The following HTR7 variants were observed in gnomAD, a reference collection of about 807,000 sequenced individuals.
The protein encoded by HTR7 is 5-hydroxytryptamine receptor 7.
A neutral mutation model predicts 34.0 loss-of-function variants in HTR7; 16 were observed. That is an observed-to-expected ratio of 0.47 (90% CI 0.32 to 0.71). The LOEUF (loss-of-function observed/expected upper bound fraction) is 0.71, where lower values mean the gene tolerates loss of function less well. HTR7 is among the 30% of genes least tolerant of loss of function. HTR7 has a pLI of 0.04. For missense variants in HTR7, 504 were observed against 625.5 expected (o/e 0.81, Z 2.07); for synonymous variants, 265 against 260.2 (o/e 1.02, Z -0.18).
intron 1 of HTR7, among the ~76,000 whole-genome samples, chr10:90,833,964 A>G (rs1846215903): frequency 6.6e-6 from 1 of 152,240 alleles, no homozygotes; most frequent in Non-Finnish European, 1.5e-5. Flanking sequence ...ACATAATCCT[A>G]TTTTGAAAAA....
chr10:90,749,138 G>A lies in HTR7; in HGVS notation c.996C>T (p.Ile332=), dbSNP rs1363920602. 6 of 1,614,162 alleles carry A rather than the reference G, an allele frequency of 3.7e-6. No individual in the cohort carries two copies. Among genetic ancestry groups the A allele is most frequent in the Admixed American group, 1.7e-5 (1 of 60,022 alleles). ...EQKAATTLGI[I]VGAFTVCWLP... is the part of the protein sequence containing the mutation. The stretch of plus-strand genomic sequence containing the variant: ...GCCAGCACACGGTAAAGGCCCCGAC[G>A]ATGATCCCCAGGGTGGTGGCTGCTT... Residue 332 remains isoleucine, a synonymous_variant, in exon 2 of 4, where the codon ATC becomes ATT. Transcript: ENST00000336152. This position sits in a 1 kb window ranked among gnomAD's most constrained non-coding sequence, Gnocchi z 4.2.
At chr10:90,744,612 G>C (rs1004965790) in intron 2 of HTR7, among the ~76,000 whole-genome samples, 60 of 151,930 alleles carry the variant, frequency 3.9e-4, no homozygotes, top group Admixed American at 3.5e-3. Context: ...CCTGTATACT[G>C]TAAAATCCTT....
At chr10:90,842,397 C>T (rs1846342425) in intron 1 of HTR7, among the ~76,000 whole-genome samples, 1 of 152,134 alleles carries the variant, frequency 6.6e-6, no homozygotes, top group Non-Finnish European at 1.5e-5. Context: ...TTTGTTATAG[C>T]AGCATGAAGG....
intron 1 of HTR7, among the ~76,000 whole-genome samples, chr10:90,839,723 C>A (rs537783350): frequency 2.2e-4 from 33 of 152,098 alleles, no homozygotes; most frequent in African/African-American, 8.0e-4. Context: ...TGCAGGGGTC[C>A]TTAAGAAGTC....
intron 1 of HTR7, among the ~76,000 whole-genome samples, chr10:90,757,704 C>T (rs1173637979): frequency 6.6e-6 from 1 of 152,076 alleles, no homozygotes; most frequent in Non-Finnish European, 1.5e-5. Context: ...TTTAAATAAA[C>T]AACTCATATT....
At chr10:90,850,329 A>C (rs1347460791) in intron 1 of HTR7, among the ~76,000 whole-genome samples, 1 of 152,274 alleles carries the variant, frequency 6.6e-6, no homozygotes, top group Non-Finnish European at 1.5e-5. Context: ...GGCATCTGCC[A>C]GTGGCAGAGC....
At chr10:90,805,883 G>C (rs1845697429) in intron 1 of HTR7, among the ~76,000 whole-genome samples, 1 of 152,176 alleles carries the variant, frequency 6.6e-6, no homozygotes, top group Admixed American at 6.5e-5. Flanking sequence ...TAGCTCATGA[G>C]ACTTTAGGAA....
intron 1 of HTR7, among the ~76,000 whole-genome samples, chr10:90,845,951 C>T (rs566454693): frequency 1.3e-5 from 2 of 152,272 alleles, no homozygotes; most frequent in Admixed American, 6.5e-5. Flanking sequence ...ACTTCAGACA[C>T]ATTGTTCTCT....
chr10:90,815,640 G>C (rs913922966), intron 1 of HTR7, among the ~76,000 whole-genome samples: 1 of 152,114 alleles, frequency 6.6e-6, no homozygotes, highest in Non-Finnish European at 1.5e-5. Context: ...CCTGGGTGAC[G>C]GGATGATATG....
chr10:90,745,719 ATGGCC>A (rs1844622302), intron 2 of HTR7, among the ~76,000 whole-genome samples: 1 of 152,254 alleles, frequency 6.6e-6, no homozygotes, highest in Non-Finnish European at 1.5e-5. Context: ...ACAGCAGACT[ATGGCC>A]TGTTGGCCAA....
Position 90,763,340 on chromosome 10 carries a change from C to T in HTR7, c.540-13746G>A, listed in dbSNP as rs534984992. ...ATGTCTTATAGATTTCAGTACCTAA[C>T]ATCTTTCACCTTCTTGGTTAGATTT... is the stretch of plus-strand genomic sequence containing the variant. On this transcript the variant is annotated intron_variant, in intron 1 of 3. Coordinates refer to ENST00000336152, the MANE Select transcript of HTR7 (RefSeq NM_019859.4). Among the ~76,000 whole-genome samples, 6 of 152,288 alleles carry T rather than the reference C, an allele frequency of 3.9e-5. No individual in the cohort carries two copies. In the East Asian group the frequency reaches 1.2e-3, roughly 29 times the overall value.
intron 1 of HTR7, among the ~76,000 whole-genome samples, chr10:90,818,545 C>CA (rs1190728480): frequency 6.6e-6 from 1 of 151,772 alleles, no homozygotes; most frequent in East Asian, 1.9e-4. Flanking sequence ...GACTCCATCT[C>CA]AAAAAAAGAA....
intron 1 of HTR7, among the ~76,000 whole-genome samples, chr10:90,768,404 T>A (rs144397650): frequency 6.6e-6 from 1 of 152,216 alleles, no homozygotes; most frequent in Admixed American, 6.5e-5. Flanking sequence ...AAGGCATATA[T>A]TGAGAAACCT....
intron 1 of HTR7, among the ~76,000 whole-genome samples, chr10:90,779,712 C>G (rs1018750685): frequency 6.6e-6 from 1 of 152,252 alleles, no homozygotes; most frequent in South Asian, 2.1e-4. Context: ...TGATCTCACC[C>G]AGAAAAAACA....
At chr10:90,830,699 G>A (rs541777857) in intron 1 of HTR7, among the ~76,000 whole-genome samples, 70 of 151,194 alleles carry the variant, frequency 4.6e-4, no homozygotes, top group Non-Finnish European at 8.8e-4. Flanking sequence ...GAGGTGGGAG[G>A]ATCGCTTAAG....
chr10:90,763,808 T>C (rs937078288), intron 1 of HTR7, among the ~76,000 whole-genome samples: 6 of 152,256 alleles, frequency 3.9e-5, no homozygotes, highest in Admixed American at 6.5e-5. Context: ...TTCTTTTTTA[T>C]GGCTGCATAG....
intron 1 of HTR7, among the ~76,000 whole-genome samples, chr10:90,760,575 A>G (rs1237335227): frequency 1.3e-5 from 2 of 152,228 alleles, no homozygotes; most frequent in African/African-American, 2.4e-5. Flanking sequence ...ACTATACATT[A>G]TATGTATCAA....
rs572814693 is a variant in HTR7 at position 90,832,215 on chromosome 10, G to A, written c.539+24918C>T. Among the ~76,000 whole-genome samples, 14 of 152,328 alleles carry A rather than the reference G, an allele frequency of 9.2e-5. No homozygotes were observed. In the South Asian group the frequency reaches 1.9e-3, roughly 20 times the overall value. ...TGGGTGGTGGATGGGACCAGGCGCCGTGGAGCAGGGGGTGGCACTCGTCGG... is the reference window on the plus strand; with the variant it reads ...TGGGTGGTGGATGGGACCAGGCGCCATGGAGCAGGGGGTGGCACTCGTCGG... On this transcript the variant is annotated intron_variant, in intron 1 of 3. Coordinates refer to ENST00000336152, the MANE Select transcript of HTR7 (RefSeq NM_019859.4).
intron 1 of HTR7, among the ~76,000 whole-genome samples, chr10:90,780,865 T>C (rs749486516): frequency 2.0e-5 from 3 of 152,216 alleles, no homozygotes; most frequent in Non-Finnish European, 4.4e-5. Context: ...GTGCCTGGAA[T>C]GTTGTGGGAC....
Sources: allele counts gnomAD v4.1 joint callset (sites outside exome capture counted in the v4.1 genomes callset), GRCh38; gene constraint gnomAD v4.1.1; non-coding constraint Gnocchi (gnomAD v3.1); transcripts MANE v1.5; gene names NCBI Gene and HGNC (gene_info 2026-07-23, HGNC 2026-07-21).